The following SLC26A1 variants were observed in gnomAD, a reference collection of about 807,000 sequenced individuals.
SLC26A1 encodes the protein solute carrier family 26 member 1.
A neutral mutation model predicts 14.5 loss-of-function variants in SLC26A1; 18 were observed. The ratio of observed to expected loss-of-function variants is 1.24; its 90% CI spans 0.86 to 1.84. The LOEUF is 1.84. SLC26A1 is among the 40% of genes most tolerant of loss of function. SLC26A1 has a pLI of 0.00. For synonymous variants in SLC26A1, 505 were observed against 492.0 expected, an observed-to-expected ratio of 1.03 and a Z score of -0.35; for missense variants, 1,049 against 1,020.0, an observed-to-expected ratio of 1.03 and a Z score of -0.39.
intron 2 of SLC26A1, 149 bp from the exon 3 acceptor site, chr4:990,511 C>T (rs986985565): frequency 2.0e-5 from 15 of 752,544 alleles, no homozygotes; most frequent in East Asian, 1.1e-4. Flanking sequence ...CCAGACTCCT[C>T]ACACGGGCCT....
chr4:989,514 T>C lies in SLC26A1; in HGVS notation c.1425A>G (p.Ala475=), dbSNP rs1714053482. Residue 475 remains alanine (A), a synonymous_variant, in exon 3 of 3, where the codon GCA becomes GCG. Transcript: ENST00000398516. ...RMSPADALVW[A]GTAATCMLVS... ...CCAGCATACAGGTGGCCGCGGTGCCTGCCCAGACCAGCGCGTCAGCCGGGC... is the reference window on the plus strand; with the variant it reads ...CCAGCATACAGGTGGCCGCGGTGCCCGCCCAGACCAGCGCGTCAGCCGGGC... 3.9e-6 allele frequency: 6 copies of C among 1,553,944 alleles called. No individual in the cohort carries two copies. In the South Asian group the frequency reaches 5.9e-5, roughly 15 times the overall value.
chr4:993,138 AC>A lies in SLC26A1; in HGVS notation c.-28+162del, dbSNP rs1714500301. Among the ~76,000 whole-genome samples, 6 of 152,076 alleles carry A rather than the reference AC, an allele frequency of 3.9e-5. No homozygotes were observed. The South Asian group carries it at 1.2e-3, about 32-fold the overall frequency. ...TGGGTCCCTGGATGCCCTGAAGCCC[AC>A]CCCAAGCCCCTGGGGTCCAGGTGTG... On this transcript the variant is annotated intron_variant, in intron 1 of 2. Transcript: ENST00000398516.
In SLC26A1 at chr4:979,318, G is replaced by A; in HGVS notation, c.*88C>T. The A allele has an allele frequency of 8.6e-6, 7 of 815,966 alleles. No individual in the cohort carries two copies. The South Asian group carries it at 1.1e-4, about 12-fold the overall frequency. 50.5% of individuals were successfully genotyped at this position (815,966 alleles called of 1,614,324 possible). A position where few individuals can be genotyped will look rare whatever the true frequency, so the allele number is the denominator to read the frequency against. On this transcript the variant is annotated 3_prime_UTR_variant, in exon 3 of 3. Transcript: ENST00000398520. ...CAGGTGCTGATCCAAGCCTCCCTCT[G>A]GAATAAGCTGTATCCACCGGCTTCT...
Position 991,561 on chromosome 4 carries a change from G to A in SLC26A1, c.143C>T (p.Ala48Val), listed in dbSNP as rs756516216. The change falls in exon 2 of 3, where the codon GCG (alanine) becomes GTG (valine). Residue 48 changes from alanine to valine, a missense_variant. Physicochemically the swap from Ala to Val is moderately conservative, Grantham distance 64. Transcript: ENST00000398516. Reference protein sequence around the residue: ...SCSCSVLCVRALVQDLLPATR... With the variant: ...SCSCSVLCVRVLVQDLLPATR... ...GGCGGGGAGCAGGTCCTGCACCAGC[G>A]CCCGGACGCACAGCACACTGCACGA... The A allele has an allele frequency of 5.6e-6, 9 of 1,603,682 alleles. No homozygotes were observed. The highest frequency in any genetic ancestry group is 2.2e-5 in the East Asian group (1 of 44,808).
rs538040319 is a variant in SLC26A1 at position 988,056 on chromosome 4, C to T, written c.*777G>A. On this transcript the variant is annotated 3_prime_UTR_variant, in exon 3 of 3. Transcript: ENST00000398516. ...AGACCCCTTGTTCCCCCACCTCCCG[C>T]CGAAGCACCCTGTTGGGGAGAGCGT... 1.8e-5 allele frequency: 27 copies of T among 1,474,924 alleles called. No individual in the cohort carries two copies. The East Asian group carries it at 5.2e-4, about 29-fold the overall frequency. The allele number at this position is 1,474,924 out of a possible 1,614,324, so 91.4% of individuals were successfully genotyped here.
chr4:990,740 G>C, intron 2 of SLC26A1: 1 of 394,062 alleles, frequency 2.5e-6, no homozygotes, highest in East Asian at 4.6e-5. Context: ...GAGCCAACGG[G>C]GGCCAAGGTG....
At chr4:983,161 G>A (rs576463483), downstream of SLC26A1, among the ~76,000 whole-genome samples, 8 of 152,292 alleles carry the variant, frequency 5.3e-5, no homozygotes, top group Admixed American at 1.3e-4. Context: ...TGTTTTATGC[G>A]GTTACGATTC....
In SLC26A1 at chr4:991,430, A is replaced by G. The variant is rs747597531; in HGVS notation, c.274T>C (p.Leu92=). ...TAGATGGGCTGCAGCCCGGCCAGCA[A>G]TGAGTAGGCGATGGCCTGCGGCACC... ...ILVPQAIAYS[L]LAGLQPIYSL... Residue 92 remains leucine, a synonymous_variant, in exon 2 of 3, where the codon TTG becomes CTG. Coordinates refer to ENST00000398516, the MANE Select transcript of SLC26A1 (RefSeq NM_022042.4). 2 of 1,612,662 alleles carry G rather than the reference A, an allele frequency of 1.2e-6. No homozygotes were observed. Among genetic ancestry groups the G allele is most frequent in the Admixed American group, 1.7e-5 (1 of 60,006 alleles).
At chr4:992,012 G>A (rs1714392020) in intron 1 of SLC26A1, 5 of 638,392 alleles carry the variant, frequency 7.8e-6, no homozygotes, top group Non-Finnish European at 1.2e-5. Context: ...GGGGCGGCGT[G>A]GCGGCACCCT....
downstream of SLC26A1, among the ~76,000 whole-genome samples, chr4:984,952 C>T (rs1261616249): frequency 6.6e-6 from 1 of 152,196 alleles, no homozygotes; most frequent in Non-Finnish European, 1.5e-5. Context: ...ATTCCAGCAC[C>T]GTGCAGTGAG....
downstream of SLC26A1, chr4:987,300 C>A: frequency 6.9e-7 from 1 of 1,442,850 alleles, no homozygotes; most frequent in South Asian, 1.2e-5. Flanking sequence ...TCGGGCGCCC[C>A]CTGACTGCGC....
At chr4:979,095 G>C in exon 3 of SLC26A1, 1 of 223,554 alleles carries the variant, frequency 4.5e-6, no homozygotes, top group South Asian at 1.5e-4. Flanking sequence ...ATCTTCCACA[G>C]AGGAAAGAGG....
rs747095997 is a variant in SLC26A1, at chr4:989,652, C to T, written c.1287G>A (p.Ala429=). The change falls in exon 3 of 3, where the codon GCG becomes GCA. Residue 429 remains alanine, a synonymous_variant. Coordinates refer to ENST00000398516, the MANE Select transcript of SLC26A1 (RefSeq NM_022042.4). ...GTAGGTCGTGGAACAGCGGTGCCAGCGCCAGCAGCACCAGCAGCACCACGG... is the reference window on the plus strand; with the variant it reads ...GTAGGTCGTGGAACAGCGGTGCCAGTGCCAGCAGCACCAGCAGCACCACGG... ...SATVVLLVLL[A]LAPLFHDLQR... is the part of the protein sequence containing the mutation. 5.9e-5 allele frequency: 94 copies of T among 1,589,018 alleles called. No individual in the cohort carries two copies. The highest frequency in any genetic ancestry group is 1.6e-4 in the South Asian group (14 of 87,644).
downstream of SLC26A1, among the ~76,000 whole-genome samples, chr4:985,248 G>A (rs1268147737): frequency 5.3e-5 from 8 of 152,264 alleles, no homozygotes; most frequent in South Asian, 2.1e-4. Flanking sequence ...GCAGCGTGTC[G>A]CCATGTCTTG....
At chr4:980,285 A>G (rs906697920) in intron 2 of SLC26A1, among the ~76,000 whole-genome samples, 2 of 152,202 alleles carry the variant, frequency 1.3e-5, no homozygotes, top group African/African-American at 4.8e-5. Flanking sequence ...AGGCCAGTGC[A>G]TTAAGAATAC....
At chr4:992,104 A>G (rs1271941295) in intron 1 of SLC26A1, 8 of 496,900 alleles carry the variant, frequency 1.6e-5, no homozygotes, top group Admixed American at 9.2e-5. Flanking sequence ...CACCTCCCCA[A>G]CGGGGCAGGA....
rs201608921 is a variant in SLC26A1 at position 989,554 on chromosome 4, C to T, written c.1385G>A (p.Arg462Gln). ...GALRKVWDLPRLWRMSPADAL... is the reference protein window; with the variant it reads ...GALRKVWDLPQLWRMSPADAL... ...GTCAGCCGGGCTCATCCGCCACAGC[C>T]GCGGGAGGTCCCACACCTTGCGCAG... The change falls in exon 3 of 3, where the codon CGG (arginine) becomes CAG (glutamine). Residue 462 changes from arginine to glutamine, a missense_variant. Coordinates refer to ENST00000398516, the MANE Select transcript of SLC26A1 (RefSeq NM_022042.4). The T allele has an allele frequency of 8.5e-5, 134 of 1,577,232 alleles. No individual in the cohort carries two copies. The East Asian group carries it at 1.7e-3, about 20-fold the overall frequency.
Position 989,266 on chromosome 4 carries a change from A to G in SLC26A1, c.1673T>C (p.Leu558Pro). Reference sequence around the variant, plus strand: ...TGCGTCCAGCCCCGTGAGGCTGTAGAGTGACTGCAGGAAGAAGTCCTTGTT... The same window carrying G: ...TGCGTCCAGCCCCGTGAGGCTGTAGGGTGACTGCAGGAAGAAGTCCTTGTT... Reference protein sequence around the residue: ...YANKDFFLQSLYSLTGLDAGC... With the variant: ...YANKDFFLQSPYSLTGLDAGC... The change falls in exon 3 of 3, where the codon CTC becomes CCC. Residue 558 changes from leucine to proline, a missense_variant. Coordinates refer to ENST00000398516, the MANE Select transcript of SLC26A1 (RefSeq NM_022042.4). 1 of 1,612,648 alleles carries G rather than the reference A, an allele frequency of 6.2e-7. No individual in the cohort carries two copies. Among genetic ancestry groups the G allele is most frequent in the Non-Finnish European group, 8.5e-7 (1 of 1,179,856 alleles).
chr4:989,974 T>C lies in SLC26A1; in HGVS notation c.965A>G (p.Asp322Gly). Residue 322 changes from aspartate to glycine, a missense_variant, in exon 3 of 3, where the codon GAC becomes GGC. Physicochemically the swap from Asp to Gly is moderately conservative, Grantham distance 94. Transcript: ENST00000398516. ...AGGGGGCATGAAACCCGTGGGGATG[T>C]CGCCAGCCACGCTCGAGCCAAAGCG... ...HKRFGSSVAG[D>G]IPTGFMPPQV... 1.3e-6 allele frequency: 2 copies of C among 1,556,964 alleles called. No individual in the cohort carries two copies. Among genetic ancestry groups the C allele is most frequent in the Non-Finnish European group, 1.7e-6 (2 of 1,152,238 alleles).
Sources: gnomAD v4.1 joint callset for allele counts (sites outside exome capture counted in the v4.1 genomes callset) on GRCh38, gnomAD v4.1.1 for gene constraint, MANE v1.5 for transcripts, NCBI Gene and HGNC (gene_info 2026-07-23, HGNC 2026-07-21) for gene names.